TRMT9B: variants seen among roughly 807,000 people sequenced by gnomAD.
TRMT9B encodes tRNA methyltransferase 9B (putative).
In TRMT9B, 16 loss-of-function variants were observed where a neutral mutation model predicts 11.5. The ratio of observed to expected loss-of-function variants is 1.39; its 90% confidence interval spans 0.94 to 2.11. The LOEUF is 2.11. Among genes scored for constraint, TRMT9B ranks in the 30% most tolerant of loss-of-function variants. TRMT9B has a pLI of 0.00. For missense variants in TRMT9B, 941 were observed against 553.8 expected, an observed-to-expected ratio of 1.70 and a Z score of -7.02; for synonymous variants, 274 against 192.4, an observed-to-expected ratio of 1.42 and a Z score of -3.51.
In TRMT9B at chr8:13,022,092, C is replaced by G; in HGVS notation, c.*48C>G. ...TCCAAAAGATGAACCACATTCTTTC[C>G]TCTTGGTTTGATATGGTTACCTGAA... On this transcript the variant is annotated 3_prime_UTR_variant, in exon 5 of 5. Coordinates refer to ENST00000524591, the MANE Select transcript of TRMT9B (RefSeq NM_020844.3). 7.5e-7 allele frequency: 1 copy of G among 1,328,508 alleles called. No homozygotes were observed. The highest frequency in any genetic ancestry group is 1.0e-6 in the Non-Finnish European group (1 of 973,644). 82.3% of individuals were successfully genotyped at this position (1,328,508 alleles called of 1,614,324 possible).
Position 13,029,234 on chromosome 8 carries a change from T to A in TRMT9B, c.*7190T>A, listed in dbSNP as rs1466020239. ...AGGGAAATTTAGAACAATTATTAGA[T>A]GTTATAGTGCCTCTTCTCGTGTTGA... On this transcript the variant is annotated 3_prime_UTR_variant, in exon 5 of 5. Transcript: ENST00000524591. 2 of 167,032 alleles carry A rather than the reference T, an allele frequency of 1.2e-5. No homozygotes were observed. Among genetic ancestry groups the A allele is most frequent in the South Asian group, 4.1e-4 (2 of 4,826 alleles). 10.3% of individuals were successfully genotyped at this position (167,032 alleles called of 1,614,324 possible).
At chr8:12,961,882 C>A (rs1308004627) in intron 1 of TRMT9B, 1 of 152,198 alleles carries the variant, frequency 6.6e-6, no homozygotes, top group African/African-American at 2.4e-5. Context: ...AGACATTTCA[C>A]CCAGGCTTTT....
At chr8:12,989,078 ATT>A (rs113108852) in intron 1 of TRMT9B, among the ~76,000 whole-genome samples, 3 of 150,856 alleles carry the variant, frequency 2.0e-5, no homozygotes, top group African/African-American at 7.3e-5. Context: ...TAATACAGAA[ATT>A]TTTTTTTTTT....
At chr8:12,959,097 A>G (rs1026830095) in intron 1 of TRMT9B, among the ~76,000 whole-genome samples, 2 of 152,146 alleles carry the variant, frequency 1.3e-5, no homozygotes, top group East Asian at 1.9e-4. Context: ...TATAATAATA[A>G]TAATAAAAAG....
At chr8:12,995,845 A>G (rs940147800) in intron 2 of TRMT9B, among the ~76,000 whole-genome samples, 5 of 152,206 alleles carry the variant, frequency 3.3e-5, no homozygotes, top group African/African-American at 1.2e-4. Flanking sequence ...CAGACTAAAA[A>G]GCTCAGCAGA....
intron 1 of TRMT9B, among the ~76,000 whole-genome samples, chr8:12,967,092 G>C (rs1802925343): frequency 6.6e-6 from 1 of 152,148 alleles, no homozygotes; most frequent in African/African-American, 2.4e-5. Context: ...AATTCAAATT[G>C]AGAAGCAGAA....
intron 1 of TRMT9B, among the ~76,000 whole-genome samples, chr8:12,990,527 T>C (rs537395030): frequency 6.6e-6 from 1 of 152,222 alleles, no homozygotes; most frequent in Non-Finnish European, 1.5e-5. Context: ...AGTATTTATT[T>C]AATTAAGCCC....
At chr8:12,965,641 G>A (rs1802710429) in intron 1 of TRMT9B, among the ~76,000 whole-genome samples, 1 of 151,332 alleles carries the variant, frequency 6.6e-6, no homozygotes, top group East Asian at 1.9e-4. Flanking sequence ...GCCCAAGGTA[G>A]ACTACAAGCA....
chr8:13,019,486 G>T (rs1471538382), intron 4 of TRMT9B, among the ~76,000 whole-genome samples: 1 of 152,096 alleles, frequency 6.6e-6, no homozygotes, highest in Non-Finnish European at 1.5e-5. Flanking sequence ...TAGAGATGGG[G>T]TTTTGCCATG....
chr8:12,959,542 C>G (rs1422809457), intron 1 of TRMT9B, among the ~76,000 whole-genome samples: 3 of 14,062 alleles, frequency 2.1e-4, no homozygotes, highest in Middle Eastern at 0.026. Flanking sequence ...TTTTTTTTGA[C>G]AGAGTCTTGC....
intron 3 of TRMT9B, chr8:13,011,646 T>C: frequency 2.0e-6 from 2 of 977,740 alleles, no homozygotes; most frequent in South Asian, 4.7e-5. Context: ...ACCTCAATCA[T>C]AACATCAGTA....
chr8:12,949,137 A>C (rs907771117), intron 1 of TRMT9B, among the ~76,000 whole-genome samples: 1 of 152,060 alleles, frequency 6.6e-6, no homozygotes, highest in Admixed American at 6.5e-5. Flanking sequence ...GCCTGTTTGT[A>C]TTGTTTTCTT....
intron 1 of TRMT9B, among the ~76,000 whole-genome samples, chr8:12,982,953 C>T (rs1805656821): frequency 6.6e-6 from 1 of 152,182 alleles, no homozygotes; most frequent in Non-Finnish European, 1.5e-5. Context: ...CATGCGAGCA[C>T]ACTAACAAAG....
intron 2 of TRMT9B, among the ~76,000 whole-genome samples, chr8:12,994,584 C>G (rs1039212075): frequency 3.9e-5 from 6 of 152,224 alleles, no homozygotes; most frequent in African/African-American, 1.2e-4. Flanking sequence ...GAAAAGCAGG[C>G]TAAGAGGACC....
intron 2 of TRMT9B, among the ~76,000 whole-genome samples, chr8:12,992,616 C>T (rs756947060): frequency 6.6e-6 from 1 of 151,944 alleles, no homozygotes; most frequent in Non-Finnish European, 1.5e-5. Context: ...TTTTGAGAGG[C>T]CGGGTTAGGC....
At chr8:13,011,711 C>G (rs565075826) in intron 3 of TRMT9B, 5 of 976,756 alleles carry the variant, frequency 5.1e-6, no homozygotes, top group African/African-American at 1.8e-5. Flanking sequence ...ACTTAGGTCT[C>G]TGCTACTGGA....
At chr8:12,968,003 G>C (rs1585126373) in intron 1 of TRMT9B, among the ~76,000 whole-genome samples, 1 of 152,298 alleles carries the variant, frequency 6.6e-6, no homozygotes, top group East Asian at 1.9e-4. Flanking sequence ...TCTCACCTCA[G>C]CCTCCTGAGC....
rs1293923009 is a variant in TRMT9B, at chr8:13,025,412, G to T, written c.*3368G>T. ...CATGCCTGTAATCCCAGCTACTTGG[G>T]AGGCTGAGGCAGGAGAATCGCTTGA... On this transcript the variant is annotated 3_prime_UTR_variant, in exon 5 of 5. Transcript: ENST00000524591. The T allele has an allele frequency of 6.3e-6, 1 of 157,610 alleles. No individual in the cohort carries two copies. The highest frequency in any genetic ancestry group is 1.9e-4 in the East Asian group (1 of 5,200). The allele number at this position is 157,610 out of a possible 1,614,324, so 9.8% of individuals were successfully genotyped here.
At chr8:12,978,223 A>G (rs1804761468) in intron 1 of TRMT9B, among the ~76,000 whole-genome samples, 1 of 152,188 alleles carries the variant, frequency 6.6e-6, no homozygotes, top group African/African-American at 2.4e-5. Context: ...ACTTCGATTT[A>G]TCATCAAGCT....
Sources: gnomAD v4.1 joint callset for allele counts (sites outside exome capture counted in the v4.1 genomes callset) on GRCh38, gnomAD v4.1.1 for gene constraint, MANE v1.5 for transcripts, NCBI Gene and HGNC (gene_info 2026-07-23, HGNC 2026-07-21) for gene names.